Variants in GATAD2B observed in about 807,000 individuals in gnomAD.
GATAD2B encodes transcriptional repressor p66-beta.
Under a neutral mutation model 64.3 loss-of-function variants are expected in GATAD2B, and 8 were observed. The observed-to-expected ratio is 0.12, with a 90% CI of 0.07 to 0.22. The LOEUF (loss-of-function observed/expected upper bound fraction) is 0.22. Among genes scored for constraint, GATAD2B ranks in the 10% least tolerant of loss-of-function variants. The probability of loss-of-function intolerance (pLI) is 1.00; values close to 1 mark genes in which losing one functional copy is unlikely to be tolerated. For synonymous variants in GATAD2B, 281 were observed against 271.3 expected, an observed-to-expected ratio of 1.04 and a Z score of -0.35; for missense variants, 453 against 752.0, an observed-to-expected ratio of 0.60 and a Z score of 4.65.
intron 10 of GATAD2B, 171 bp downstream of exon 10, chr1:153,811,560 G>T: frequency 1.4e-6 from 1 of 690,706 alleles, no homozygotes; most frequent in Admixed American, 2.5e-5. Flanking sequence ...ATTGTGGGTG[G>T]CACTTAATAT....
chr1:153,867,282 C>T (rs532840718), intron 1 of GATAD2B, among the ~76,000 whole-genome samples: 3 of 152,118 alleles, frequency 2.0e-5, no homozygotes, highest in Admixed American at 2.0e-4. Context: ...ACATATCAGA[C>T]CCCAAACTGC....
chr1:153,871,049 C>T (rs1226797264), intron 1 of GATAD2B, among the ~76,000 whole-genome samples: 3 of 151,528 alleles, frequency 2.0e-5, no homozygotes, highest in South Asian at 2.1e-4. Flanking sequence ...CAGATGGGTG[C>T]TACCACGCCT....
At chr1:153,822,791 C>T (rs917785713) in intron 2 of GATAD2B, among the ~76,000 whole-genome samples, 1 of 152,132 alleles carries the variant, frequency 6.6e-6, no homozygotes, top group African/African-American at 2.4e-5. Context: ...GCCACCGCGT[C>T]CAGCCTCTTT....
chr1:153,836,190 A>G (rs931436185), intron 1 of GATAD2B, among the ~76,000 whole-genome samples: 3 of 151,808 alleles, frequency 2.0e-5, no homozygotes, highest in African/African-American at 7.3e-5. Flanking sequence ...GTGTAATCCC[A>G]GTGACACAAG....
intron 1 of GATAD2B, among the ~76,000 whole-genome samples, chr1:153,864,590 T>A (rs879686951): frequency 2.6e-5 from 4 of 151,928 alleles, no homozygotes; most frequent in Non-Finnish European, 5.9e-5. Context: ...GCAGTCTAGC[T>A]TGGGTGACAA....
intron 1 of GATAD2B, among the ~76,000 whole-genome samples, chr1:153,838,280 T>C (rs1023012569): frequency 2.0e-5 from 3 of 152,182 alleles, no homozygotes; most frequent in Admixed American, 6.5e-5. Context: ...TGTGTCAAAG[T>C]CAGACATTAG....
intron 1 of GATAD2B, among the ~76,000 whole-genome samples, chr1:153,914,227 CAAAAAAA>C (rs759245034): frequency 0.036 from 2,386 of 66,010 alleles, 62 homozygotes; most frequent in African/African-American, 0.13. Context: ...CCCAGACTCT[CAAAAAAA>C]AAAAAAAAAA....
Position 153,858,592 on chromosome 1 carries a change from G to A in GATAD2B, c.-1-30244C>T, listed in dbSNP as rs141437092. Among the ~76,000 whole-genome samples the A allele has an allele frequency of 7.2e-4, 109 of 152,046 alleles. 1 individual carries two copies. The East Asian group carries it at 0.013, about 18-fold the overall frequency. Reference sequence around the variant, plus strand: ...TGCATTCCAGCCTGGGGAACAGAGCGAGACCATGTCTCATAAACAAAGCCC... The same window carrying A: ...TGCATTCCAGCCTGGGGAACAGAGCAAGACCATGTCTCATAAACAAAGCCC... On this transcript the variant is annotated intron_variant, in intron 1 of 10. Transcript: ENST00000368655.
At chr1:153,873,855 A>T (rs1676744039) in intron 1 of GATAD2B, among the ~76,000 whole-genome samples, 1 of 152,230 alleles carries the variant, frequency 6.6e-6, no homozygotes, top group Non-Finnish European at 1.5e-5. Context: ...AGGCTGAGGC[A>T]GGAGGACTGC....
At chr1:153,919,420 G>A (rs964702042) in intron 1 of GATAD2B, among the ~76,000 whole-genome samples, 8 of 152,116 alleles carry the variant, frequency 5.3e-5, no homozygotes, top group African/African-American at 1.9e-4. Context: ...CAAGGGAGAA[G>A]GTAAAAGATG....
intron 1 of GATAD2B, among the ~76,000 whole-genome samples, chr1:153,851,814 G>C (rs1268775558): frequency 6.6e-6 from 1 of 152,122 alleles, no homozygotes. Context: ...CAGTAACAGA[G>C]GGTAACACAA....
intron 1 of GATAD2B, among the ~76,000 whole-genome samples, chr1:153,840,024 TTC>T (rs1274495029): frequency 4.0e-4 from 60 of 148,868 alleles, no homozygotes; most frequent in African/African-American, 1.4e-3. Context: ...TGAAAATACT[TTC>T]TTTTTTTTTT....
chr1:153,898,906 C>A lies in GATAD2B; in HGVS notation c.-2+23827G>T, dbSNP rs1379243037. ...AAACAGTATGACCCTGCTGATGTAG[C>A]TGTGTTTGGCTCTCTGCCTCTGCCA... On this transcript the variant is annotated intron_variant, in intron 1 of 10. Transcript: ENST00000368655. 2.0e-5 allele frequency: 3 copies of A among 152,292 alleles called. No individual in the cohort carries two copies. The East Asian group carries it at 5.8e-4, about 29-fold the overall frequency. The allele number at this position is 152,292 out of a possible 1,614,324, so 9.4% of individuals were successfully genotyped here.
intron 1 of GATAD2B, among the ~76,000 whole-genome samples, chr1:153,881,108 T>C (rs1676997091): frequency 1.3e-5 from 2 of 152,110 alleles, no homozygotes; most frequent in Admixed American, 1.3e-4. Context: ...TGTGATTTCC[T>C]AGACTGCAGG....
At chr1:153,853,092 T>C (rs944574522) in intron 1 of GATAD2B, 14 of 1,502,146 alleles carry the variant, frequency 9.3e-6, no homozygotes, top group East Asian at 4.5e-5. Context: ...ACCTTTGGCA[T>C]TGGCAACAAC....
chr1:153,866,153 G>T (rs772405571), intron 1 of GATAD2B, among the ~76,000 whole-genome samples: 10 of 147,200 alleles, frequency 6.8e-5, no homozygotes, highest in African/African-American at 2.5e-4. Context: ...GCAGTGAGCT[G>T]AGATGGTGCC....
rs116930887 is a variant in GATAD2B at position 153,876,563 on chromosome 1, C to T, written c.-2+46170G>A. On this transcript the variant is annotated intron_variant, in intron 1 of 10. Coordinates refer to ENST00000368655, the MANE Select transcript of GATAD2B (RefSeq NM_020699.4). Reference sequence around the variant, plus strand: ...AATATGCACCAAGGATTGTAAAGGTCGCTATGCTTAAATGTGACAAGTTAG... The same window carrying T: ...AATATGCACCAAGGATTGTAAAGGTTGCTATGCTTAAATGTGACAAGTTAG... Among the ~76,000 whole-genome samples the T allele has an allele frequency of 9.8e-4, 149 of 152,252 alleles. 3 individuals carry two copies. In the East Asian group the frequency reaches 0.026, roughly 27 times the overall value.
chr1:153,899,523 G>A (rs959468057), intron 1 of GATAD2B, among the ~76,000 whole-genome samples: 7 of 150,276 alleles, frequency 4.7e-5, no homozygotes, highest in African/African-American at 1.5e-4. Context: ...GCCCAAGATC[G>A]CGCCATTGCA....
At chr1:153,877,373 G>T (rs984385979) in intron 1 of GATAD2B, among the ~76,000 whole-genome samples, 2 of 151,606 alleles carry the variant, frequency 1.3e-5, no homozygotes, top group Non-Finnish European at 2.9e-5. Flanking sequence ...AGGGACAGAC[G>T]TGGCCAAAGG....
Sources: allele counts gnomAD v4.1 joint callset (sites outside exome capture counted in the v4.1 genomes callset), GRCh38; gene constraint gnomAD v4.1.1; transcripts MANE v1.5; gene names NCBI Gene and HGNC (gene_info 2026-07-23, HGNC 2026-07-21).